Variants in FBXL17 observed in about 807,000 individuals in gnomAD.
The protein encoded by FBXL17 is F-box/LRR-repeat protein 17.
FBXL17 carries 22 observed loss-of-function variants against 66.2 expected under a neutral mutation model. That is an observed-to-expected ratio of 0.33 (90% confidence interval 0.24 to 0.47). The LOEUF is 0.47. Ranked by LOEUF, FBXL17 falls within the 20% of genes least tolerant of loss-of-function variation. The probability of loss-of-function intolerance (pLI) is 1.00; values close to 1 mark genes in which losing one functional copy is unlikely to be tolerated. For missense variants in FBXL17, 878 were observed against 948.2 expected, an observed-to-expected ratio of 0.93 and a Z score of 0.97; for synonymous variants, 474 against 400.5, an observed-to-expected ratio of 1.18 and a Z score of -2.19.
chr5:107,861,833 C>G lies in FBXL17; in HGVS notation c.1993G>C (p.Val665Leu), dbSNP rs1381798108. The G allele has an allele frequency of 1.9e-6, 3 of 1,551,268 alleles. No homozygotes were observed. In the African/African-American group the frequency reaches 4.1e-5, roughly 21 times the overall value. ...AAGGTGATGTGGGGGTACTGCTGCA[C>G]CAGCTGTTCCACCGTCACTTCGTTG... ...KVNEVTVEQL[V>L]QQYPHITFST... is the part of the protein sequence containing the mutation. Residue 665 changes from valine to leucine, a missense_variant, in exon 9 of 9, where the codon GTG (valine) becomes CTG (leucine). Transcript: ENST00000542267.
At chr5:108,171,926 C>T (rs1335164425) in intron 6 of FBXL17, among the ~76,000 whole-genome samples, 2 of 149,990 alleles carry the variant, frequency 1.3e-5, no homozygotes, top group Non-Finnish European at 3.0e-5. Context: ...AGAGGAGTTC[C>T]CCGCAGAAGC....
rs943538022 is a variant in FBXL17, at chr5:107,944,951, T to C, written c.1823-63772A>G. ...TACATTAAAATGAAAAATTTGTTCATTGAGATAACATAATAAAATAAAAGT... is the reference window on the plus strand; with the variant it reads ...TACATTAAAATGAAAAATTTGTTCACTGAGATAACATAATAAAATAAAAGT... On this transcript the variant is annotated intron_variant, in intron 7 of 8. Coordinates refer to ENST00000542267, the MANE Select transcript of FBXL17 (RefSeq NM_001163315.3). Among the ~76,000 whole-genome samples the C allele has an allele frequency of 5.9e-5, 9 of 151,984 alleles. No homozygotes were observed. In the East Asian group the frequency reaches 1.2e-3, roughly 20 times the overall value.
Position 108,224,331 on chromosome 5 carries a change from T to C in FBXL17, c.1507-103A>G, listed in dbSNP as rs577657655. On this transcript the variant is annotated intron_variant, in intron 4 of 8. Coordinates refer to ENST00000542267, the MANE Select transcript of FBXL17 (RefSeq NM_001163315.3). ...CAGCCCCACCTTGCATCATTACTAT[T>C]TCCTGCCCTGTTAGATCATTTGAAT... 1.5e-5 allele frequency: 8 copies of C among 532,268 alleles called. No individual in the cohort carries two copies. In the South Asian group the frequency reaches 2.2e-4, roughly 15 times the overall value. 33.0% of individuals were successfully genotyped at this position (532,268 alleles called of 1,614,324 possible). A position where few individuals can be genotyped will look rare whatever the true frequency, so the allele number is the denominator to read the frequency against.
At chr5:108,317,918 T>C (rs941940031) in intron 4 of FBXL17, among the ~76,000 whole-genome samples, 14 of 151,592 alleles carry the variant, frequency 9.2e-5, no homozygotes, top group Admixed American at 8.6e-4. Context: ...ACTATTTTTA[T>C]TAGAATTCAT....
rs144053067 is a variant in FBXL17, at chr5:108,148,205, T to C, written c.1745+37912A>G. On this transcript the variant is annotated intron_variant, in intron 6 of 8. Coordinates refer to ENST00000542267, the MANE Select transcript of FBXL17 (RefSeq NM_001163315.3). ...CAAAAGAGTACATATTGATTACCTA[T>C]ATATTTTGTTAAATGTGTATATTAA... 4.6e-3 allele frequency among the ~76,000 whole-genome samples: 694 copies of C among 152,338 alleles called. 6 individuals carry two copies. The highest frequency in any genetic ancestry group is 0.016 in the African/African-American group (663 of 41,568).
intron 7 of FBXL17, among the ~76,000 whole-genome samples, chr5:107,973,231 CT>C (rs1233875120): frequency 6.6e-6 from 1 of 152,146 alleles, no homozygotes; most frequent in Non-Finnish European, 1.5e-5. Flanking sequence ...CCTTTTCAGC[CT>C]TGTTTTAGAG....
At chr5:108,108,708 C>T (rs1749906777) in intron 6 of FBXL17, among the ~76,000 whole-genome samples, 1 of 151,550 alleles carries the variant, frequency 6.6e-6, no homozygotes, top group Non-Finnish European at 1.5e-5. Context: ...TGTGTCCTTA[C>T]TTAAAACAAG....
intron 6 of FBXL17, among the ~76,000 whole-genome samples, chr5:108,076,416 T>C (rs566286375): frequency 1.3e-5 from 2 of 152,300 alleles, no homozygotes; most frequent in South Asian, 4.1e-4. Flanking sequence ...TCACTGAAAA[T>C]AAGTGTTATT....
chr5:107,938,090 A>G (rs1050364978), intron 7 of FBXL17, among the ~76,000 whole-genome samples: 1 of 152,178 alleles, frequency 6.6e-6, no homozygotes, highest in African/African-American at 2.4e-5. Flanking sequence ...CCCAGAATGC[A>G]GCAAATTTAC....
chr5:108,276,684 T>C (rs990684443), intron 4 of FBXL17, among the ~76,000 whole-genome samples: 1 of 152,132 alleles, frequency 6.6e-6, no homozygotes, highest in Admixed American at 6.5e-5. Context: ...CCAAACAAGT[T>C]AAGAATTTTG....
chr5:108,084,250 C>T, intron 6 of FBXL17, among the ~76,000 whole-genome samples: 1 of 152,186 alleles, frequency 6.6e-6, no homozygotes, highest in East Asian at 1.9e-4. Flanking sequence ...GTCAGAGGAT[C>T]TTGGCAACAG....
intron 6 of FBXL17, among the ~76,000 whole-genome samples, chr5:108,081,070 G>C (rs1229495890): frequency 6.6e-6 from 1 of 152,076 alleles, no homozygotes; most frequent in Admixed American, 6.5e-5. Context: ...TTCTGACCAA[G>C]CCCTGCTATC....
At chr5:108,003,901 C>T in intron 7 of FBXL17, among the ~76,000 whole-genome samples, 1 of 152,036 alleles carries the variant, frequency 6.6e-6, no homozygotes, top group Non-Finnish European at 1.5e-5. Context: ...GGGAAAAAGG[C>T]AATGTTTGAG....
intron 1 of FBXL17, among the ~76,000 whole-genome samples, chr5:108,377,619 G>T (rs905373320): frequency 1.3e-5 from 2 of 152,164 alleles, no homozygotes; most frequent in African/African-American, 2.4e-5. Flanking sequence ...GTTTCTCAAT[G>T]ATTTTCTTTG....
intron 6 of FBXL17, among the ~76,000 whole-genome samples, chr5:108,041,874 T>A (rs866678765): frequency 6.6e-6 from 1 of 152,200 alleles, no homozygotes; most frequent in South Asian, 2.1e-4. Context: ...ACTTCTTCTA[T>A]CATACTCATA....
intron 4 of FBXL17, among the ~76,000 whole-genome samples, chr5:108,273,579 G>A (rs1437258344): frequency 6.6e-6 from 1 of 151,100 alleles, no homozygotes; most frequent in Non-Finnish European, 1.5e-5. Flanking sequence ...TATTTCCAAA[G>A]CTATGCTCAG....
chr5:108,227,818 G>C (rs1050110679), intron 4 of FBXL17, among the ~76,000 whole-genome samples: 4 of 152,076 alleles, frequency 2.6e-5, no homozygotes, highest in Admixed American at 2.0e-4. Context: ...CATTCTAAAG[G>C]CATTATGTTA....
chr5:108,026,151 A>C (rs906693470), intron 6 of FBXL17, among the ~76,000 whole-genome samples: 1 of 152,226 alleles, frequency 6.6e-6, no homozygotes, highest in Non-Finnish European at 1.5e-5. Flanking sequence ...CAAAAGGCCA[A>C]GAAGTAATCA....
intron 6 of FBXL17, among the ~76,000 whole-genome samples, chr5:108,152,782 A>G (rs1296738357): frequency 6.6e-6 from 1 of 152,248 alleles, no homozygotes; most frequent in African/African-American, 2.4e-5. Context: ...TACCATATTT[A>G]GTAAATAAAA....
Sources: gnomAD v4.1 joint callset for allele counts (sites outside exome capture counted in the v4.1 genomes callset) on GRCh38, gnomAD v4.1.1 for gene constraint, MANE v1.5 for transcripts, NCBI Gene and HGNC (gene_info 2026-07-23, HGNC 2026-07-21) for gene names.